CSMD1: variants seen among roughly 807,000 people sequenced by gnomAD.
CSMD1 encodes the protein CUB and sushi domain-containing protein 1.
A neutral mutation model predicts 417.5 loss-of-function variants in CSMD1; 213 were observed. The observed-to-expected ratio is 0.51, with a 90% CI of 0.46 to 0.57. The LOEUF (loss-of-function observed/expected upper bound fraction) is 0.57. Among genes scored for constraint, CSMD1 ranks in the 20% least tolerant of loss-of-function variants. The pLI is 0.00. For missense variants in CSMD1, 6,923 were observed against 4,529.7 expected (o/e 1.53, Z -15.17); for synonymous variants, 2,862 against 1,736.8 (o/e 1.65, Z -16.11).
Position 2,974,507 on chromosome 8 carries a change from T to C in CSMD1, c.8684A>G (p.Asp2895Gly), listed in dbSNP as rs556670463. The C allele has an allele frequency of 1.2e-6, 2 of 1,613,710 alleles. No individual in the cohort carries two copies. The highest frequency in any genetic ancestry group is 1.3e-5 in the African/African-American group (1 of 75,078). ...ACTGTCTTCCTGGCACACTCTCGTG[T>C]CGTTGCCTATGAGGCTCTCGCTCCC... Reference protein sequence around the residue: ...CRGSESLIGNDTRVCQEDSHW... With the variant: ...CRGSESLIGNGTRVCQEDSHW... The change falls in exon 56 of 70, where the codon GAC (aspartate) becomes GGC (glycine). Residue 2895 changes from aspartate to glycine, a missense_variant. Physicochemically the swap from Asp to Gly is moderately conservative, Grantham distance 94. Coordinates refer to ENST00000635120, the MANE Select transcript of CSMD1 (RefSeq NM_033225.6).
chr8:4,309,430 A>C (rs1798437095), intron 3 of CSMD1, among the ~76,000 whole-genome samples: 1 of 151,374 alleles, frequency 6.6e-6, no homozygotes, highest in African/African-American at 2.5e-5. Context: ...TTAAATTCAA[A>C]ATTTTTATAA....
Position 4,042,815 on chromosome 8 carries a change from T to TAAAAAAAAAAAAAAAAAAAAA in CSMD1, c.416-10737_416-10717dup, listed in dbSNP as rs60411612. 4.6e-4 allele frequency among the ~76,000 whole-genome samples: 19 copies of TAAAAAAAAAAAAAAAAAAAAA among 41,312 alleles called. 3 individuals carry two copies. The highest frequency in any genetic ancestry group is 1.1e-3 in the Admixed American group (3 of 2,752). 27.1% of individuals were successfully genotyped at this position (41,312 alleles called of 152,430 possible). On this transcript the variant is annotated intron_variant, in intron 3 of 69. Coordinates refer to ENST00000635120, the MANE Select transcript of CSMD1 (RefSeq NM_033225.6). Reference sequence around the variant, plus strand: ...CAATAGGTGAAGTGGTACAACATATTAAAAAAAAAAAAAAAAAAAAAAAAA... The same window carrying TAAAAAAAAAAAAAAAAAAAAA: ...CAATAGGTGAAGTGGTACAACATATTAAAAAAAAAAAAAAAAAAAAAAAAAAAAAAAAAAAAAAAAAAAAAA...
chr8:4,750,755 A>C (rs115474244), intron 1 of CSMD1, among the ~76,000 whole-genome samples: 4 of 140,536 alleles, frequency 2.8e-5, no homozygotes, highest in African/African-American at 1.1e-4. Context: ...CTTCCCAAGG[A>C]AAAAAAAAAA....
intron 57 of CSMD1, among the ~76,000 whole-genome samples, chr8:2,971,081 C>T (rs1202958188): frequency 1.3e-5 from 2 of 152,072 alleles, no homozygotes; most frequent in African/African-American, 4.8e-5. Flanking sequence ...TATGTATTTC[C>T]TAAGAACAAA....
At chr8:4,331,212 C>T (rs910220405) in intron 3 of CSMD1, among the ~76,000 whole-genome samples, 1 of 152,280 alleles carries the variant, frequency 6.6e-6, no homozygotes, top group African/African-American at 2.4e-5. Flanking sequence ...GACAAGATTA[C>T]TGCCTCCCAG....
intron 3 of CSMD1, among the ~76,000 whole-genome samples, chr8:4,213,270 T>C (rs1183436202): frequency 6.6e-6 from 1 of 152,024 alleles, no homozygotes; most frequent in Non-Finnish European, 1.5e-5. Context: ...TGAGGCGGGG[T>C]CCTGTCAGGT....
chr8:3,373,394 T>G (rs536465066), intron 18 of CSMD1: 2 of 152,192 alleles, frequency 1.3e-5, no homozygotes, highest in Non-Finnish European at 2.9e-5. Flanking sequence ...TCAGGCTTGT[T>G]TAGATTTATA....
intron 1 of CSMD1, among the ~76,000 whole-genome samples, chr8:4,663,531 G>T (rs1350781375): frequency 6.6e-6 from 1 of 152,106 alleles, no homozygotes; most frequent in Non-Finnish European, 1.5e-5. Flanking sequence ...GATAGTGCAT[G>T]CTAGTGAGTT....
chr8:3,353,952 CTG>C (rs1372899360), intron 21 of CSMD1, among the ~76,000 whole-genome samples: 3 of 152,112 alleles, frequency 2.0e-5, no homozygotes, highest in Admixed American at 2.0e-4. Context: ...GTGAAATTTC[CTG>C]TCTCAGTCTG....
intron 5 of CSMD1, among the ~76,000 whole-genome samples, chr8:3,957,502 CT>C (rs1272775144): frequency 6.6e-6 from 1 of 152,040 alleles, no homozygotes; most frequent in Non-Finnish European, 1.5e-5. Flanking sequence ...CATGGCCGCA[CT>C]CTTCTCTATA....
intron 2 of CSMD1, among the ~76,000 whole-genome samples, chr8:4,632,896 T>G (rs1205947614): frequency 1.3e-5 from 2 of 152,046 alleles, no homozygotes; most frequent in African/African-American, 4.8e-5. Flanking sequence ...TAAGGTCAGG[T>G]CAAGGAGTAA....
chr8:3,539,971 C>A (rs186754924), intron 10 of CSMD1, among the ~76,000 whole-genome samples: 216 of 152,194 alleles, frequency 1.4e-3, no homozygotes, highest in African/African-American at 4.9e-3. Flanking sequence ...GTTTGAGAAA[C>A]AGTCTTCTAA....
At chr8:4,718,697 C>A (rs1453824533) in intron 1 of CSMD1, among the ~76,000 whole-genome samples, 1 of 151,790 alleles carries the variant, frequency 6.6e-6, no homozygotes, top group African/African-American at 2.4e-5. Flanking sequence ...CAATAGGTGA[C>A]AGGAAGTAAA....
intron 2 of CSMD1, among the ~76,000 whole-genome samples, chr8:4,511,086 C>A (rs1186653095): frequency 6.6e-6 from 1 of 152,108 alleles, no homozygotes; most frequent in Non-Finnish European, 1.5e-5. Flanking sequence ...CTGGTCAGCA[C>A]TCTCCTGTTC....
chr8:4,351,662 G>A (rs1417714547), intron 3 of CSMD1, among the ~76,000 whole-genome samples: 3 of 152,162 alleles, frequency 2.0e-5, no homozygotes, highest in Admixed American at 6.5e-5. Flanking sequence ...GGCTTCCCAG[G>A]CAAGATGTCT....
intron 3 of CSMD1, among the ~76,000 whole-genome samples, chr8:4,391,972 AAG>A (rs1803878122): frequency 6.6e-6 from 1 of 152,162 alleles, no homozygotes; most frequent in African/African-American, 2.4e-5. Flanking sequence ...AGCACATTAA[AAG>A]AGAGACCTAG....
Position 4,212,494 on chromosome 8 carries a change from T to C in CSMD1, c.416-180395A>G, listed in dbSNP as rs375695281. Among the ~76,000 whole-genome samples the C allele has an allele frequency of 3.9e-5, 6 of 152,200 alleles. No individual in the cohort carries two copies. The East Asian group carries it at 9.6e-4, about 24-fold the overall frequency. On this transcript the variant is annotated intron_variant, in intron 3 of 69. Coordinates refer to ENST00000635120, the MANE Select transcript of CSMD1 (RefSeq NM_033225.6). The stretch of plus-strand genomic sequence containing the variant: ...CTTTCAGACTGGCAGATGGAAGCGA[T>C]CCTAAAGCTTATTTAGATTAGACAT...
chr8:4,776,597 C>T (rs900456989), intron 1 of CSMD1, among the ~76,000 whole-genome samples: 1 of 152,088 alleles, frequency 6.6e-6, no homozygotes, highest in Non-Finnish European at 1.5e-5. Context: ...CGTTCGCGTT[C>T]AATGATACCT....
intron 2 of CSMD1, among the ~76,000 whole-genome samples, chr8:4,506,678 G>C (rs1157657677): frequency 6.6e-6 from 1 of 152,124 alleles, no homozygotes; most frequent in South Asian, 2.1e-4. Flanking sequence ...TTTTCACAGA[G>C]CTTAACCTCC....
Sources: allele counts gnomAD v4.1 joint callset (sites outside exome capture counted in the v4.1 genomes callset), GRCh38; gene constraint gnomAD v4.1.1; transcripts MANE v1.5; gene names NCBI Gene and HGNC (gene_info 2026-07-23, HGNC 2026-07-21).